G2E3: variants seen among roughly 807,000 people sequenced by gnomAD.
G2E3 encodes the protein G2/M phase-specific E3 ubiquitin-protein ligase.
Under a neutral mutation model 92.8 loss-of-function variants are expected in G2E3, and 35 were observed. The ratio of observed to expected loss-of-function variants is 0.38; its 90% CI spans 0.29 to 0.50. The LOEUF is 0.50. G2E3 is among the 20% of genes least tolerant of loss of function. The pLI, the probability that G2E3 is intolerant of heterozygous loss-of-function variation, is 0.94. For synonymous variants in G2E3, 242 were observed against 272.4 expected (o/e 0.89, Z 1.10); for missense variants, 554 against 823.8 (o/e 0.67, Z 4.01).
Position 30,618,459 on chromosome 14 carries a change from T to C in G2E3, c.*1925T>C, listed in dbSNP as rs976335024. 27 of 152,138 alleles carry C rather than the reference T, an allele frequency of 1.8e-4. No homozygotes were observed. The highest frequency in any genetic ancestry group is 6.3e-4 in the African/African-American group (26 of 41,446). The allele number at this position is 152,138 out of a possible 1,614,324, so 9.4% of individuals were successfully genotyped here. ...TTTCTGGTTTTTAGTTGCAATTAAT[T>C]TCCCCTAGGGTAGAAATTAAAGCTG... On this transcript the variant is annotated 3_prime_UTR_variant, in exon 15 of 15. Coordinates refer to ENST00000206595, the MANE Select transcript of G2E3 (RefSeq NM_017769.5).
At chr14:30,607,369 C>T (rs1224230926) in intron 11 of G2E3, among the ~76,000 whole-genome samples, 1 of 152,148 alleles carries the variant, frequency 6.6e-6, no homozygotes, top group Non-Finnish European at 1.5e-5. Context: ...TAGCCTACTA[C>T]ACACCAAGGC....
In G2E3 at chr14:30,581,615, T is replaced by C. The variant is rs573844339; in HGVS notation, c.37+499T>C. On this transcript the variant is annotated intron_variant, in intron 2 of 14. Coordinates refer to ENST00000206595, the MANE Select transcript of G2E3 (RefSeq NM_017769.5). ...TACTCGCTAGGCCGAGGCAGGAGAATCGCTTGAACCCGGGAGGCAGAAGTT... is the reference window on the plus strand; with the variant it reads ...TACTCGCTAGGCCGAGGCAGGAGAACCGCTTGAACCCGGGAGGCAGAAGTT... 9.2e-4 allele frequency among the ~76,000 whole-genome samples: 140 copies of C among 152,268 alleles called. 1 individual carries two copies. The highest frequency in any genetic ancestry group is 3.4e-3 in the Middle Eastern group (1 of 294).
chr14:30,563,105 A>G (rs565105519), intron 1 of G2E3, among the ~76,000 whole-genome samples: 2 of 148,368 alleles, frequency 1.3e-5, no homozygotes, highest in African/African-American at 4.9e-5. Flanking sequence ...GTCTCCGCAC[A>G]CGGGGAGAAA....
intron 2 of G2E3, 119 bp downstream of exon 2, chr14:30,581,235 C>A: frequency 1.6e-6 from 1 of 644,388 alleles, no homozygotes; most frequent in Non-Finnish European, 2.8e-6. Flanking sequence ...TGTCCACATA[C>A]TAAAGTATAA....
chr14:30,604,538 G>A (rs1415385992), intron 10 of G2E3, among the ~76,000 whole-genome samples: 1 of 152,200 alleles, frequency 6.6e-6, no homozygotes, highest in Non-Finnish European at 1.5e-5. Context: ...CTATAGATGC[G>A]CTGTAGGGCT....
At chr14:30,566,131 T>C (rs1028173139) in intron 1 of G2E3, among the ~76,000 whole-genome samples, 1 of 152,230 alleles carries the variant, frequency 6.6e-6, no homozygotes, top group African/African-American at 2.4e-5. Context: ...TGTCTGTCCT[T>C]GTGCCAGTAC....
Position 30,569,405 on chromosome 14 carries a change from G to A in G2E3, c.-5+10133G>A, listed in dbSNP as rs114834794. 8.0e-3 allele frequency among the ~76,000 whole-genome samples: 1,223 copies of A among 152,310 alleles called. 19 individuals carry two copies. Among genetic ancestry groups the A allele is most frequent in the African/African-American group, 0.026 (1,097 of 41,570 alleles). On this transcript the variant is annotated intron_variant, in intron 1 of 14. Transcript: ENST00000206595. ...AGCAAGGAGTTCAAACACAGAAAAT[G>A]TATAATTCAAGTGTAATGTTCTTTC...
rs229229 is a variant in G2E3, at chr14:30,607,874, A to G, written c.1319-14A>G. On this transcript the variant is annotated splice_polypyrimidine_tract_variant and intron_variant, in intron 11 of 14. Transcript: ENST00000206595. ...ATAGAAGTGTATTTGATATATTTTC[A>G]TCTGTATTTACAGCTCTGAAAGAGA... The G allele has an allele frequency of 0.044, 65,237 of 1,471,440 alleles. 2,168 individuals carry two copies. The highest frequency in any genetic ancestry group is 0.14 in the African/African-American group (10,086 of 70,778). 91.1% of individuals were successfully genotyped at this position (1,471,440 alleles called of 1,614,324 possible). A position where few individuals can be genotyped will look rare whatever the true frequency, so the allele number is the denominator to read the frequency against.
chr14:30,602,195 C>A, intron 10 of G2E3, 64 bp downstream of exon 10: 2 of 1,273,124 alleles, frequency 1.6e-6, no homozygotes, highest in Non-Finnish European at 2.2e-6. Context: ...ATAGGAAATG[C>A]CATATACATT....
In G2E3 at chr14:30,604,793, G is replaced by C. The variant is rs1269209662; in HGVS notation, c.1011-712G>C. Among the ~76,000 whole-genome samples the C allele has an allele frequency of 2.6e-5, 4 of 152,074 alleles. No individual in the cohort carries two copies. The East Asian group carries it at 7.7e-4, about 29-fold the overall frequency. ...ATTACATTTGCTTTTTTTAAAAAAG[G>C]ACATAGTAAATGTGAAGTAAACTAC... is the stretch of plus-strand genomic sequence containing the variant. On this transcript the variant is annotated intron_variant, in intron 10 of 14. Transcript: ENST00000206595.
At chr14:30,602,222 C>T in intron 10 of G2E3, 91 bp downstream of exon 10, 1 of 951,618 alleles carries the variant, frequency 1.1e-6, no homozygotes, top group Non-Finnish European at 1.6e-6. Flanking sequence ...ATTAGGTGAT[C>T]ATACAGTAGT....
At chr14:30,597,251 A>G (rs917106229) in intron 6 of G2E3, among the ~76,000 whole-genome samples, 169 bp from the exon 7 acceptor site, 1 of 152,188 alleles carries the variant, frequency 6.6e-6, no homozygotes, top group Non-Finnish European at 1.5e-5. Flanking sequence ...AGAATTATAG[A>G]TTTTAGCAGT....
chr14:30,613,959 T>C (rs1168161302), intron 13 of G2E3, among the ~76,000 whole-genome samples: 1 of 152,124 alleles, frequency 6.6e-6, no homozygotes, highest in Non-Finnish European at 1.5e-5. Context: ...ATTGGAATAT[T>C]TTATGTGTGG....
At chr14:30,587,707 C>A (rs1880788141) in intron 3 of G2E3, among the ~76,000 whole-genome samples, 1 of 152,064 alleles carries the variant, frequency 6.6e-6, no homozygotes, top group African/African-American at 2.4e-5. Flanking sequence ...GAAACCTCAG[C>A]TCCTTACCTC....
intron 8 of G2E3, among the ~76,000 whole-genome samples, chr14:30,601,108 C>G (rs1365430120): frequency 6.6e-6 from 1 of 152,172 alleles, no homozygotes; most frequent in African/African-American, 2.4e-5. Flanking sequence ...AGTTACCTCT[C>G]TTGCCACTCA....
At chr14:30,576,690 A>C (rs1880113858) in intron 1 of G2E3, among the ~76,000 whole-genome samples, 2 of 152,236 alleles carry the variant, frequency 1.3e-5, no homozygotes, top group African/African-American at 2.4e-5. Flanking sequence ...TGTATGGGAC[A>C]TCCATAGACA....
At chr14:30,570,079 A>G (rs1879669687) in intron 1 of G2E3, among the ~76,000 whole-genome samples, 2 of 152,282 alleles carry the variant, frequency 1.3e-5, no homozygotes, top group Non-Finnish European at 1.5e-5. Flanking sequence ...TTTGCTGCAG[A>G]TAGGATTCTT....
chr14:30,604,122 C>G (rs1881708776), intron 10 of G2E3, among the ~76,000 whole-genome samples: 1 of 152,160 alleles, frequency 6.6e-6, no homozygotes, highest in Admixed American at 6.5e-5. Flanking sequence ...CTCCTTGCTC[C>G]TGCTTTAACA....
At chr14:30,610,011 A>G (rs1341848813) in intron 12 of G2E3, among the ~76,000 whole-genome samples, 7 of 152,132 alleles carry the variant, frequency 4.6e-5, no homozygotes, top group African/African-American at 1.2e-4. Flanking sequence ...AGTTTTGACC[A>G]TATTGCTTTC....
Sources: gnomAD v4.1 joint callset for allele counts (sites outside exome capture counted in the v4.1 genomes callset) on GRCh38, gnomAD v4.1.1 for gene constraint, MANE v1.5 for transcripts, NCBI Gene and HGNC (gene_info 2026-07-23, HGNC 2026-07-21) for gene names.